SNTG1: variants seen among roughly 807,000 people sequenced by gnomAD.
SNTG1 encodes the protein syntrophin gamma 1, also known as gamma-1-syntrophin.
Under a neutral mutation model 74.7 loss-of-function variants are expected in SNTG1, and 39 were observed. That is an observed-to-expected ratio of 0.52 (90% CI 0.40 to 0.68). The LOEUF is 0.68. Ranked by LOEUF, SNTG1 falls within the 30% of genes least tolerant of loss-of-function variation. The pLI is 0.00. For synonymous variants in SNTG1, 254 were observed against 217.1 expected (o/e 1.17, Z -1.49); for missense variants, 685 against 609.5 (o/e 1.12, Z -1.30).
intron 1 of SNTG1, among the ~76,000 whole-genome samples, chr8:50,042,959 CACAGGCATGAGCCATTGAGT>C (rs1818771519): frequency 6.6e-6 from 1 of 152,122 alleles, no homozygotes; most frequent in African/African-American, 2.4e-5. Context: ...CTTGTGTCCA[CACAGGCATGAGCCATTGAGT>C]AATAAAAAAC....
chr8:50,347,512 T>C (rs2091517230), intron 2 of SNTG1, among the ~76,000 whole-genome samples: 1 of 152,228 alleles, frequency 6.6e-6, no homozygotes, highest in Non-Finnish European at 1.5e-5. Context: ...ACAGTATCTA[T>C]TCCGCAGTCC....
intron 2 of SNTG1, among the ~76,000 whole-genome samples, chr8:50,243,660 T>C (rs569515828): frequency 4.0e-5 from 6 of 150,740 alleles, no homozygotes; most frequent in African/African-American, 1.5e-4. Flanking sequence ...TTTAAGGCGT[T>C]TGGGCCAGGT....
At chr8:50,185,148 T>G (rs552760903) in intron 2 of SNTG1, among the ~76,000 whole-genome samples, 3 of 152,164 alleles carry the variant, frequency 2.0e-5, no homozygotes, top group Non-Finnish European at 4.4e-5. Context: ...AATCCCCACA[T>G]GTCAAGGGCA....
intron 1 of SNTG1, among the ~76,000 whole-genome samples, chr8:49,956,664 T>A (rs1810204564): frequency 1.3e-5 from 2 of 152,340 alleles, no homozygotes; most frequent in South Asian, 2.1e-4. Context: ...TGCATGTATT[T>A]GTTTTCATTT....
chr8:50,001,435 T>C (rs1001225310), intron 1 of SNTG1, among the ~76,000 whole-genome samples: 2 of 152,132 alleles, frequency 1.3e-5, no homozygotes, highest in Admixed American at 6.5e-5. Context: ...TAGTGTTTAC[T>C]GAAGTCTTTA....
chr8:50,487,742 C>T (rs773101404), intron 8 of SNTG1, among the ~76,000 whole-genome samples: 4 of 151,112 alleles, frequency 2.6e-5, no homozygotes, highest in Admixed American at 6.6e-5. Flanking sequence ...TGCTTGATGA[C>T]GAGTTAGTGG....
chr8:50,169,927 T>A (rs946715337), intron 1 of SNTG1, among the ~76,000 whole-genome samples: 1 of 152,160 alleles, frequency 6.6e-6, no homozygotes, highest in African/African-American at 2.4e-5. Flanking sequence ...CTAGTCTTGA[T>A]GACAGAGTGG....
intron 13 of SNTG1, among the ~76,000 whole-genome samples, chr8:50,644,644 C>A (rs1244170867): frequency 6.6e-6 from 1 of 152,066 alleles, no homozygotes; most frequent in Admixed American, 6.6e-5. Flanking sequence ...AAAAGTTATA[C>A]ATTAAATTTT....
At chr8:50,172,930 A>G (rs1253245971) in intron 2 of SNTG1, among the ~76,000 whole-genome samples, 2 of 152,182 alleles carry the variant, frequency 1.3e-5, no homozygotes, top group Admixed American at 6.5e-5. Flanking sequence ...TTTAATAAGC[A>G]CTATTTATAG....
intron 2 of SNTG1, among the ~76,000 whole-genome samples, chr8:50,347,488 T>A (rs1432436932): frequency 6.6e-6 from 1 of 152,236 alleles, no homozygotes; most frequent in African/African-American, 2.4e-5. Context: ...AGCATTGTTT[T>A]CATGCCTGCT....
At chr8:50,034,861 C>G (rs1818014688) in intron 1 of SNTG1, among the ~76,000 whole-genome samples, 1 of 152,166 alleles carries the variant, frequency 6.6e-6, no homozygotes, top group South Asian at 2.1e-4. Context: ...TAGCAATTCA[C>G]CTCATTTTCT....
chr8:50,580,038 G>A (rs2094600145), intron 12 of SNTG1, among the ~76,000 whole-genome samples: 1 of 152,224 alleles, frequency 6.6e-6, no homozygotes, highest in Non-Finnish European at 1.5e-5. Context: ...CAGGAGGGGA[G>A]CTATACCCTG....
chr8:50,039,618 A>G (rs1250694098), intron 1 of SNTG1, among the ~76,000 whole-genome samples: 9 of 151,926 alleles, frequency 5.9e-5, no homozygotes, highest in African/African-American at 2.2e-4. Context: ...ATCTTTCCCT[A>G]TACATTTCTC....
At chr8:50,107,618 T>C (rs923582896) in intron 1 of SNTG1, among the ~76,000 whole-genome samples, 1 of 152,086 alleles carries the variant, frequency 6.6e-6, no homozygotes, top group African/African-American at 2.4e-5. Flanking sequence ...TGGCATGATC[T>C]TGGCTCACTG....
chr8:50,345,296 C>G (rs2091438620), intron 2 of SNTG1, among the ~76,000 whole-genome samples: 1 of 152,178 alleles, frequency 6.6e-6, no homozygotes, highest in Non-Finnish European at 1.5e-5. Context: ...CAATTACTAG[C>G]CCATAGATAT....
At chr8:50,701,618 C>CTTCTTCTTCTTCTTCTTCTT (rs201341360) in intron 15 of SNTG1, among the ~76,000 whole-genome samples, 2,950 of 136,942 alleles carry the variant, frequency 0.022, 81 homozygotes, top group Middle Eastern at 0.043. Flanking sequence ...TCTTCTTCTT[C>CTTCTTCTTCTTCTTCTTCTT]GTGTTCCTCT....
intron 1 of SNTG1, among the ~76,000 whole-genome samples, chr8:50,087,899 T>C (rs1387218912): frequency 6.7e-6 from 1 of 149,150 alleles, no homozygotes; most frequent in African/African-American, 2.5e-5. Flanking sequence ...TCATCTAGCA[T>C]TAGGTATATC....
rs2083003497 is a variant in SNTG1 at position 50,176,473 on chromosome 8, A to T, written c.-28+3838A>T. On this transcript the variant is annotated intron_variant, in intron 2 of 18. Coordinates refer to ENST00000642720, the MANE Select transcript of SNTG1 (RefSeq NM_018967.5). Reference sequence around the variant, plus strand: ...ACTTTCTGAATTCATTCTGACTGGGACCCACTGCCTATTTCTCTTGTTTCC... The same window carrying T: ...ACTTTCTGAATTCATTCTGACTGGGTCCCACTGCCTATTTCTCTTGTTTCC... Among the ~76,000 whole-genome samples, 5 of 152,102 alleles carry T rather than the reference A, an allele frequency of 3.3e-5. No individual in the cohort carries two copies. In the South Asian group the frequency reaches 1.0e-3, roughly 31 times the overall value.
intron 18 of SNTG1, among the ~76,000 whole-genome samples, chr8:50,773,613 C>A (rs1464966514): frequency 1.3e-5 from 2 of 152,010 alleles, no homozygotes; most frequent in African/African-American, 4.8e-5. Context: ...ACATCAACAA[C>A]AAACTGCAAC....
Sources: allele counts gnomAD v4.1 joint callset (sites outside exome capture counted in the v4.1 genomes callset), GRCh38; gene constraint gnomAD v4.1.1; transcripts MANE v1.5; gene names NCBI Gene and HGNC (gene_info 2026-07-23, HGNC 2026-07-21).